Variants in TBXAS1 observed in about 807,000 individuals in gnomAD.
The protein encoded by TBXAS1 is thromboxane A synthase 1, also known as thromboxane-A synthase.
In TBXAS1, 48 loss-of-function variants were observed where a neutral mutation model predicts 60.7. The observed-to-expected ratio is 0.79, with a 90% CI of 0.63 to 1.01. The LOEUF (loss-of-function observed/expected upper bound fraction) is 1.01. Ranked by LOEUF, TBXAS1 falls within the 50% of genes least tolerant of loss-of-function variation. TBXAS1 has a pLI of 0.00. For missense variants in TBXAS1, 685 were observed against 686.3 expected (o/e 1.00, Z 0.02); for synonymous variants, 287 against 269.7 (o/e 1.06, Z -0.63).
upstream of TBXAS1, among the ~76,000 whole-genome samples, chr7:139,828,225 C>T (rs949747672): frequency 1.3e-5 from 2 of 152,138 alleles, no homozygotes; most frequent in Admixed American, 1.3e-4. Context: ...ATTTGAAGAC[C>T]TTGTCTTTGA....
Position 139,839,663 on chromosome 7 carries a change from A to T in TBXAS1, c.89+10184A>T, listed in dbSNP as rs11770159. ...AGACCAGCCTGGGCAACAAAGAGAGACCCTGCTTCTACCAAAAAAAAAAAA... is the reference window on the plus strand; with the variant it reads ...AGACCAGCCTGGGCAACAAAGAGAGTCCCTGCTTCTACCAAAAAAAAAAAA... On this transcript the variant is annotated intron_variant, in intron 1 of 12. Transcript: ENST00000448866. Among the ~76,000 whole-genome samples, 870 of 135,038 alleles carry T rather than the reference A, an allele frequency of 6.4e-3. 7 individuals are homozygous for T. The highest frequency in any genetic ancestry group is 9.5e-3 in the Non-Finnish European group (601 of 63,104). The allele number at this position is 135,038 out of a possible 152,430, so 88.6% of individuals were successfully genotyped here. A position where few individuals can be genotyped will look rare whatever the true frequency, so the allele number is the denominator to read the frequency against.
chr7:139,872,114 G>A (rs1448335212), intron 1 of TBXAS1, 121 bp from the exon 2 acceptor site: 11 of 1,019,790 alleles, frequency 1.1e-5, no homozygotes, highest in Non-Finnish European at 1.3e-5. Context: ...TAGATGTGGT[G>A]ACTGGAAACC....
intron 3 of TBXAS1, among the ~76,000 whole-genome samples, chr7:139,876,950 T>C (rs140963075): frequency 2.3e-4 from 35 of 152,336 alleles, no homozygotes; most frequent in African/African-American, 7.0e-4. Flanking sequence ...TCATCCTCTT[T>C]GGAAGTGTAA....
intron 1 of TBXAS1, among the ~76,000 whole-genome samples, chr7:139,846,817 G>T (rs1175133927): frequency 1.3e-5 from 2 of 152,162 alleles, no homozygotes; most frequent in African/African-American, 4.8e-5. Context: ...GTCTTCGGGG[G>T]TGTTGGGGAT....
chr7:139,932,545 A>G (rs909614706), intron 4 of TBXAS1, among the ~76,000 whole-genome samples: 1 of 152,198 alleles, frequency 6.6e-6, no homozygotes, highest in South Asian at 2.1e-4. Flanking sequence ...TCACAAAAAA[A>G]AAAACAAAAC....
chr7:139,919,370 T>G (rs945651774), intron 4 of TBXAS1, among the ~76,000 whole-genome samples: 1 of 152,256 alleles, frequency 6.6e-6, no homozygotes, highest in Non-Finnish European at 1.5e-5. Context: ...GTTGGCTCTC[T>G]GTACTCACAT....
chr7:139,823,651 A>C (rs1798360643), intron 4 of TBXAS1, among the ~76,000 whole-genome samples: 1 of 152,158 alleles, frequency 6.6e-6, no homozygotes, highest in Non-Finnish European at 1.5e-5. Flanking sequence ...TCGGTGAACT[A>C]TGAGTATTCT....
chr7:139,933,900 C>T (rs1807536446), intron 4 of TBXAS1, among the ~76,000 whole-genome samples: 1 of 152,128 alleles, frequency 6.6e-6, no homozygotes, highest in South Asian at 2.1e-4. Context: ...ATGGTGGGGG[C>T]TCCAGTTTTG....
intron 3 of TBXAS1, among the ~76,000 whole-genome samples, chr7:139,877,838 G>A (rs1018467349): frequency 6.6e-6 from 1 of 150,842 alleles, no homozygotes; most frequent in African/African-American, 2.4e-5. Context: ...TCTCATTCCA[G>A]CTCTTTCTTT....
upstream of TBXAS1, among the ~76,000 whole-genome samples, chr7:139,825,083 C>A (rs1159850022): frequency 6.6e-6 from 1 of 151,824 alleles, no homozygotes; most frequent in Non-Finnish European, 1.5e-5. Context: ...CCTGCCTCGG[C>A]CTCCCAAAAT....
At chr7:139,990,650 C>T (rs971628587) in intron 9 of TBXAS1, among the ~76,000 whole-genome samples, 9 of 152,086 alleles carry the variant, frequency 5.9e-5, no homozygotes, top group African/African-American at 1.2e-4. Flanking sequence ...CTCTCGGGGC[C>T]GCTCTGGTGG....
At chr7:139,832,849 C>G (rs543823533) in intron 1 of TBXAS1, among the ~76,000 whole-genome samples, 1 of 152,326 alleles carries the variant, frequency 6.6e-6, no homozygotes, top group South Asian at 2.1e-4. Context: ...AATGTTGTAT[C>G]CAGTGAAACT....
At chr7:139,855,861 C>T (rs1337404832) in intron 1 of TBXAS1, among the ~76,000 whole-genome samples, 1 of 152,188 alleles carries the variant, frequency 6.6e-6, no homozygotes, top group Non-Finnish European at 1.5e-5. Flanking sequence ...AAAATATCTG[C>T]TTTGCCTTCA....
At chr7:139,887,908 G>A (rs566433885) in intron 3 of TBXAS1, among the ~76,000 whole-genome samples, 5 of 152,236 alleles carry the variant, frequency 3.3e-5, no homozygotes, top group South Asian at 4.1e-4. Flanking sequence ...GCAATGCTTT[G>A]TTGTCCCCTT....
At chr7:139,804,407 CA>C (rs745992155) in intron 4 of TBXAS1, among the ~76,000 whole-genome samples, 1 of 152,074 alleles carries the variant, frequency 6.6e-6, no homozygotes, top group Non-Finnish European at 1.5e-5. Context: ...GGCTCATAGG[CA>C]GAAGAGATTT....
At chr7:140,007,992 C>T (rs1030474500) in intron 10 of TBXAS1, among the ~76,000 whole-genome samples, 2 of 152,160 alleles carry the variant, frequency 1.3e-5, no homozygotes, top group African/African-American at 4.8e-5. Context: ...CCCCAGACCC[C>T]TACAGAGAGT....
At chr7:139,961,137 T>A (rs1184319795) in intron 8 of TBXAS1, among the ~76,000 whole-genome samples, 2 of 152,108 alleles carry the variant, frequency 1.3e-5, no homozygotes, top group Non-Finnish European at 1.5e-5. Flanking sequence ...GGGCAGGGGA[T>A]TACTGAGAAA....
chr7:139,921,019 A>AT (rs1806426367), intron 4 of TBXAS1, among the ~76,000 whole-genome samples: 1 of 152,174 alleles, frequency 6.6e-6, no homozygotes, highest in Non-Finnish European at 1.5e-5. Context: ...ACATCTGTTG[A>AT]TTTTCGTCTT....
At chr7:139,994,550 C>G (rs1041655504) in intron 9 of TBXAS1, among the ~76,000 whole-genome samples, 1 of 151,912 alleles carries the variant, frequency 6.6e-6, no homozygotes, top group Non-Finnish European at 1.5e-5. Flanking sequence ...GCCCTCCCCA[C>G]TTATATCCTG....
Sources: gnomAD v4.1 joint callset for allele counts (sites outside exome capture counted in the v4.1 genomes callset) on GRCh38, gnomAD v4.1.1 for gene constraint, MANE v1.5 for transcripts, NCBI Gene and HGNC (gene_info 2026-07-23, HGNC 2026-07-21) for gene names.